The following KLHL14 variants were observed in gnomAD, a reference collection of about 807,000 sequenced individuals.
The protein encoded by KLHL14 is kelch like family member 14, also known as kelch-like protein 14.
A neutral mutation model predicts 64.3 loss-of-function variants in KLHL14; 22 were observed. That is an observed-to-expected ratio of 0.34 (90% CI 0.24 to 0.49). The LOEUF is 0.49. KLHL14 is among the 20% of genes least tolerant of loss of function. The pLI is 0.99. For missense variants in KLHL14, 661 were observed against 789.0 expected (o/e 0.84, Z 1.94); for synonymous variants, 322 against 333.4 (o/e 0.97, Z 0.37).
At chr18:32,690,935 G>C (rs1324583864) in intron 4 of KLHL14, among the ~76,000 whole-genome samples, 1 of 152,084 alleles carries the variant, frequency 6.6e-6, no homozygotes, top group Non-Finnish European at 1.5e-5. Context: ...AGAGTACGAG[G>C]GGGAAAGGAA....
At chr18:32,706,181 G>A (rs111584805) in intron 3 of KLHL14, among the ~76,000 whole-genome samples, 4 of 152,144 alleles carry the variant, frequency 2.6e-5, no homozygotes, top group East Asian at 1.9e-4. Flanking sequence ...ATGTGTATGC[G>A]TGATGTCCAG....
chr18:32,733,967 C>T (rs16963826), intron 3 of KLHL14: 9,314 of 576,214 alleles, frequency 0.016, 670 homozygotes, highest in African/African-American at 0.15. Flanking sequence ...TTTATTCATT[C>T]CGGGTCAAGA....
At chr18:32,733,965 T>C in intron 3 of KLHL14, 4 of 578,432 alleles carry the variant, frequency 6.9e-6, no homozygotes, top group Admixed American at 5.9e-5. Flanking sequence ...AGTTTATTCA[T>C]TCCGGGTCAA....
intron 7 of KLHL14, among the ~76,000 whole-genome samples, chr18:32,679,628 G>T (rs2049828415): frequency 6.6e-6 from 1 of 151,908 alleles, no homozygotes; most frequent in Admixed American, 6.6e-5. Context: ...AAAATGCTAT[G>T]CTTTAAGTTT....
chr18:32,762,610 C>A (rs2050320378), intron 2 of KLHL14, among the ~76,000 whole-genome samples: 1 of 152,006 alleles, frequency 6.6e-6, no homozygotes, highest in Non-Finnish European at 1.5e-5. Context: ...AGAGATAAAC[C>A]TCTCTGCTAT....
chr18:32,728,292 G>A (rs1296031237), intron 3 of KLHL14, among the ~76,000 whole-genome samples: 1 of 152,066 alleles, frequency 6.6e-6, no homozygotes, highest in Non-Finnish European at 1.5e-5. Flanking sequence ...GCTTTATTCG[G>A]GTACACATTT....
intron 3 of KLHL14, among the ~76,000 whole-genome samples, chr18:32,725,020 C>CTT (rs33924704): frequency 0.24 from 35,145 of 146,084 alleles, 4,288 homozygotes; most frequent in Middle Eastern, 0.32. Flanking sequence ...CCTCCCTTCC[C>CTT]TTTTTTTTTT....
intron 3 of KLHL14, among the ~76,000 whole-genome samples, chr18:32,697,372 T>C (rs1283795424): frequency 6.6e-6 from 1 of 152,196 alleles, no homozygotes; most frequent in Admixed American, 6.6e-5. Context: ...CTCCAGTTGA[T>C]GGTAATGTCC....
rs184657969 is a variant in KLHL14, at chr18:32,710,632, T to C, written c.1070-15080A>G. ...TTTATATACACATGTAAATGTAACA[T>C]AAAACGGACTGTAGTTAATGATGTA... On this transcript the variant is annotated intron_variant, in intron 3 of 8. Transcript: ENST00000359358. Among the ~76,000 whole-genome samples, 390 of 152,296 alleles carry C rather than the reference T, an allele frequency of 2.6e-3. 4 individuals carry two copies. Among genetic ancestry groups the C allele is most frequent in the African/African-American group, 9.2e-3 (381 of 41,560 alleles).
rs71177874 is a variant in KLHL14, at chr18:32,752,955, TTGTGTGTGTGTG to T, written c.948-10918_948-10907del. On this transcript the variant is annotated intron_variant, in intron 2 of 8. Coordinates refer to ENST00000359358, the MANE Select transcript of KLHL14 (RefSeq NM_020805.3). ...TCTGGGATGGGACCCAGCATCATAT[TTGTGTGTGTGTG>T]TGTGTGTGTGTGTGTGTGTGTGTGT... 9.5e-4 allele frequency among the ~76,000 whole-genome samples: 135 copies of T among 142,318 alleles called. 1 individual carries two copies. The East Asian group carries it at 0.019, about 20-fold the overall frequency. The allele number at this position is 142,318 out of a possible 152,430, so 93.4% of individuals were successfully genotyped here.
intron 2 of KLHL14, among the ~76,000 whole-genome samples, chr18:32,763,446 T>C (rs1353371561): frequency 6.6e-6 from 1 of 152,148 alleles, no homozygotes; most frequent in Non-Finnish European, 1.5e-5. Context: ...ACATCTCCAA[T>C]ATATACTCAT....
At chr18:32,703,062 G>A (rs566338614) in intron 3 of KLHL14, among the ~76,000 whole-genome samples, 4 of 152,072 alleles carry the variant, frequency 2.6e-5, no homozygotes, top group Non-Finnish European at 5.9e-5. Context: ...TACTTTTACT[G>A]TATCACTTGC....
intron 2 of KLHL14, 135 bp downstream of exon 2, chr18:32,769,510 T>C (rs980350010): frequency 7.6e-6 from 6 of 786,256 alleles, no homozygotes; most frequent in African/African-American, 7.0e-5. Context: ...TCTGAATTGT[T>C]TGCGTTTGTT....
chr18:32,698,340 T>G (rs186294756), intron 3 of KLHL14, among the ~76,000 whole-genome samples: 1 of 152,218 alleles, frequency 6.6e-6, no homozygotes, highest in Admixed American at 6.5e-5. Context: ...AGTGTGAGTT[T>G]TTAGCGTGTC....
At chr18:32,681,290 A>G (rs535931789) in intron 5 of KLHL14, among the ~76,000 whole-genome samples, 1 of 152,286 alleles carries the variant, frequency 6.6e-6, no homozygotes, top group South Asian at 2.1e-4. Flanking sequence ...AAAAGATACA[A>G]GCTGTGTTGG....
chr18:32,730,749 T>A (rs2050133226), intron 3 of KLHL14, among the ~76,000 whole-genome samples: 1 of 152,112 alleles, frequency 6.6e-6, no homozygotes, highest in African/African-American at 2.4e-5. Flanking sequence ...TGCTTTGCGG[T>A]TCTCAACATA....
chr18:32,718,088 T>C (rs16963754), intron 3 of KLHL14, among the ~76,000 whole-genome samples: 4,866 of 152,300 alleles, frequency 0.032, 269 homozygotes, highest in African/African-American at 0.11. Flanking sequence ...TTATCCCTAT[T>C]CTGGGTTATG....
intron 2 of KLHL14, among the ~76,000 whole-genome samples, chr18:32,759,402 A>G (rs557525397): frequency 1.3e-5 from 2 of 152,354 alleles, no homozygotes; most frequent in East Asian, 3.9e-4. Flanking sequence ...GCAAATATAT[A>G]TATAAATGGA....
chr18:32,724,296 C>T (rs150299418), intron 3 of KLHL14, among the ~76,000 whole-genome samples: 3 of 152,070 alleles, frequency 2.0e-5, no homozygotes, highest in Non-Finnish European at 4.4e-5. Context: ...TAAGGGTGAA[C>T]CAATAAATGA....
Sources: gnomAD v4.1 joint callset for allele counts (sites outside exome capture counted in the v4.1 genomes callset) on GRCh38, gnomAD v4.1.1 for gene constraint, MANE v1.5 for transcripts, NCBI Gene and HGNC (gene_info 2026-07-23, HGNC 2026-07-21) for gene names.